Variants in HDAC9 observed in about 807,000 individuals in gnomAD.
The protein encoded by HDAC9 is MEF-2 interacting transcription repressor (MITR) protein.
A neutral mutation model predicts 139.4 loss-of-function variants in HDAC9; 41 were observed. That is an observed-to-expected ratio of 0.29 (90% CI 0.23 to 0.38). HDAC9 has a LOEUF of 0.38. Among genes scored for constraint, HDAC9 ranks in the 10% least tolerant of loss-of-function variants. The pLI, the probability that HDAC9 is intolerant of heterozygous loss-of-function variation, is 1.00. For missense variants in HDAC9, 1,147 were observed against 1,297.0 expected, an observed-to-expected ratio of 0.88 and a Z score of 1.78; for synonymous variants, 517 against 476.2, an observed-to-expected ratio of 1.09 and a Z score of -1.12.
At chr7:18,733,869 A>G (rs979192949) in intron 13 of HDAC9, among the ~76,000 whole-genome samples, 30 of 151,766 alleles carry the variant, frequency 2.0e-4, no homozygotes, top group African/African-American at 7.3e-4. Context: ...TCTGAGGCCA[A>G]CCTGATATGC....
intron 1 of HDAC9, among the ~76,000 whole-genome samples, chr7:18,110,192 T>A (rs1783515076): frequency 6.6e-6 from 1 of 152,192 alleles, no homozygotes; most frequent in South Asian, 2.1e-4. Flanking sequence ...TGGTTTGTCT[T>A]TTTATAGTCA....
At chr7:18,251,829 A>G (rs1182097751) in intron 2 of HDAC9, among the ~76,000 whole-genome samples, 3 of 152,200 alleles carry the variant, frequency 2.0e-5, no homozygotes, top group Admixed American at 6.5e-5. Context: ...TGTGGCTTAC[A>G]TATTTCCCAA....
At chr7:18,338,144 C>T (rs1458002240) in intron 1 of HDAC9, among the ~76,000 whole-genome samples, 2 of 151,628 alleles carry the variant, frequency 1.3e-5, no homozygotes, top group Non-Finnish European at 3.0e-5. Context: ...AGATAATTCA[C>T]ATTTCAGAAG....
intron 1 of HDAC9, among the ~76,000 whole-genome samples, chr7:18,369,926 A>G (rs1478563152): frequency 6.6e-6 from 1 of 152,118 alleles, no homozygotes; most frequent in Non-Finnish European, 1.5e-5. Context: ...TGTAAGGTCA[A>G]CTTTCTCATC....
At chr7:18,827,096 C>CTA (rs140948056) in intron 17 of HDAC9, among the ~76,000 whole-genome samples, 8,604 of 150,996 alleles carry the variant, frequency 0.057, 718 homozygotes, top group African/African-American at 0.18. Context: ...CAAAAAAAAA[C>CTA]TATATATATA....
chr7:18,393,145 C>A (rs1249437907), intron 1 of HDAC9, among the ~76,000 whole-genome samples: 15 of 148,354 alleles, frequency 1.0e-4, no homozygotes, highest in African/African-American at 2.8e-4. Context: ...TTTAAAAAAA[C>A]ATAAATTGGC....
intron 7 of HDAC9, among the ~76,000 whole-genome samples, chr7:18,632,827 CA>C (rs1782746827): frequency 1.3e-5 from 2 of 151,730 alleles, no homozygotes; most frequent in Non-Finnish European, 2.9e-5. Context: ...TGTAGTCAGA[CA>C]TAGATGGAGA....
chr7:18,555,861 A>G (rs1250733809), intron 2 of HDAC9, among the ~76,000 whole-genome samples: 1 of 152,098 alleles, frequency 6.6e-6, no homozygotes, highest in Admixed American at 6.5e-5. Context: ...AATATGAGAA[A>G]TTTTTATAAC....
intron 2 of HDAC9, among the ~76,000 whole-genome samples, chr7:18,182,437 G>A (rs932410594): frequency 6.6e-6 from 1 of 152,114 alleles, no homozygotes; most frequent in African/African-American, 2.4e-5. Flanking sequence ...GATGACTGAC[G>A]GGAAAACAGA....
chr7:18,297,250 T>G (rs927367036), intron 1 of HDAC9, among the ~76,000 whole-genome samples: 6 of 152,178 alleles, frequency 3.9e-5, no homozygotes, highest in Non-Finnish European at 8.8e-5. Context: ...AAAACTTTTT[T>G]ATTTAAAAAA....
At chr7:18,171,249 C>G (rs1392992838) in intron 2 of HDAC9, among the ~76,000 whole-genome samples, 1 of 152,084 alleles carries the variant, frequency 6.6e-6, no homozygotes, top group African/African-American at 2.4e-5. Context: ...CTCTGTTTGT[C>G]TGTTATTGGT....
At chr7:18,606,685 C>T (rs1835603716) in intron 6 of HDAC9, among the ~76,000 whole-genome samples, 1 of 152,054 alleles carries the variant, frequency 6.6e-6, no homozygotes, top group African/African-American at 2.4e-5. Flanking sequence ...ATAAGACTCA[C>T]TTTTAAAGTA....
At chr7:18,513,751 G>A (rs745902055) in intron 2 of HDAC9, among the ~76,000 whole-genome samples, 10 of 152,174 alleles carry the variant, frequency 6.6e-5, no homozygotes, top group African/African-American at 1.9e-4. Flanking sequence ...CTAGATTACC[G>A]TTAGGTCCCT....
At chr7:18,832,880 C>A (rs1359344004) in intron 19 of HDAC9, among the ~76,000 whole-genome samples, 1 of 152,098 alleles carries the variant, frequency 6.6e-6, no homozygotes, top group Non-Finnish European at 1.5e-5. Context: ...GGATTACAGG[C>A]ATGCGCCACC....
chr7:18,566,555 G>C (rs1299220420), intron 2 of HDAC9, among the ~76,000 whole-genome samples: 1 of 152,114 alleles, frequency 6.6e-6, no homozygotes, highest in African/African-American at 2.4e-5. Context: ...GAATAGCTTT[G>C]GCAGTAGAGG....
At chr7:18,433,046 C>G (rs113587037) in intron 1 of HDAC9, among the ~76,000 whole-genome samples, 5,365 of 152,044 alleles carry the variant, frequency 0.035, 128 homozygotes, top group African/African-American at 0.069. Flanking sequence ...CTAATCCACC[C>G]TGACCAAGTA....
rs55866735 is a variant in HDAC9, at chr7:18,916,022, G to GAAAAA, written c.2804-19775_2804-19771dup. Among the ~76,000 whole-genome samples the GAAAAA allele has an allele frequency of 1.2e-4, 16 of 138,126 alleles. 1 individual carries two copies. The highest frequency in any genetic ancestry group is 6.3e-4 in the East Asian group (3 of 4,774). The allele number at this position is 138,126 out of a possible 152,430, so 90.6% of individuals were successfully genotyped here. A position where few individuals can be genotyped will look rare whatever the true frequency, so the allele number is the denominator to read the frequency against. On this transcript the variant is annotated intron_variant, in intron 22 of 25. Transcript: ENST00000686413. ...CAGACCCTCCTCTCACCCCCCGCTG[G>GAAAAA]AAAAAAAAAAAAAAAACAGAAAAAG...
At chr7:18,853,638 A>G (rs1011431480) in intron 21 of HDAC9, among the ~76,000 whole-genome samples, 8 of 152,170 alleles carry the variant, frequency 5.3e-5, no homozygotes, top group African/African-American at 9.7e-5. Flanking sequence ...AACTGTTATA[A>G]TTTAAGAGTT....
chr7:18,096,204 A>T (rs1482411421), intron 1 of HDAC9, among the ~76,000 whole-genome samples: 1 of 152,202 alleles, frequency 6.6e-6, no homozygotes, highest in Non-Finnish European at 1.5e-5. Flanking sequence ...GGATGCATGC[A>T]TTATCTTCAC....
Sources: allele counts gnomAD v4.1 joint callset (sites outside exome capture counted in the v4.1 genomes callset), GRCh38; gene constraint gnomAD v4.1.1; transcripts MANE v1.5; gene names NCBI Gene and HGNC (gene_info 2026-07-23, HGNC 2026-07-21).